TRIP4: variants seen among roughly 807,000 people sequenced by gnomAD.
TRIP4 encodes the protein thyroid hormone receptor interactor 4, also known as activating signal cointegrator 1.
In TRIP4, 54 loss-of-function variants were observed where a neutral mutation model predicts 81.8. The ratio of observed to expected loss-of-function variants is 0.66; its 90% CI spans 0.53 to 0.83. The LOEUF (loss-of-function observed/expected upper bound fraction) is 0.83, where lower values mean the gene tolerates loss of function less well. Ranked by LOEUF, TRIP4 falls within the 40% of genes least tolerant of loss-of-function variation. The pLI is 0.00. For missense variants in TRIP4, 662 were observed against 683.6 expected, an observed-to-expected ratio of 0.97 and a Z score of 0.35; for synonymous variants, 270 against 242.8, an observed-to-expected ratio of 1.11 and a Z score of -1.04.
chr15:64,431,710 TAAAAAA>T (rs1301674324), intron 11 of TRIP4, among the ~76,000 whole-genome samples: 2 of 139,374 alleles, frequency 1.4e-5, no homozygotes, highest in Admixed American at 7.2e-5. Flanking sequence ...CATCTCAAAT[TAAAAAA>T]AAAAACAAAA....
chr15:64,452,497 C>A (rs1458538791), intron 12 of TRIP4, among the ~76,000 whole-genome samples: 9 of 152,092 alleles, frequency 5.9e-5, no homozygotes, highest in African/African-American at 2.2e-4. Flanking sequence ...AATACTGAAC[C>A]TGTAGTTATT....
intron 9 of TRIP4, among the ~76,000 whole-genome samples, chr15:64,419,518 C>T (rs1430395751): frequency 6.6e-6 from 1 of 151,868 alleles, no homozygotes; most frequent in Non-Finnish European, 1.5e-5. Context: ...GCCACCACAC[C>T]TGGTTAATTT....
At chr15:64,412,720 A>C (rs1359738649) in intron 7 of TRIP4, among the ~76,000 whole-genome samples, 3 of 152,106 alleles carry the variant, frequency 2.0e-5, no homozygotes, top group Non-Finnish European at 4.4e-5. Flanking sequence ...GTGCCTCACA[A>C]TTATTATTGT....
intron 7 of TRIP4, among the ~76,000 whole-genome samples, 196 bp downstream of exon 7, chr15:64,410,024 G>GTTTT (rs200868565): frequency 3.7e-5 from 5 of 133,856 alleles, no homozygotes; most frequent in African/African-American, 5.5e-5. Flanking sequence ...TTGTGGTTTG[G>GTTTT]TTTTTTTTTT....
intron 11 of TRIP4, among the ~76,000 whole-genome samples, chr15:64,440,668 A>AT (rs1249253139): frequency 6.6e-6 from 1 of 152,078 alleles, no homozygotes; most frequent in Non-Finnish European, 1.5e-5. Flanking sequence ...TTAATTTGAG[A>AT]TTCATCTGGG....
In TRIP4 at chr15:64,409,763, C is replaced by A. The variant is rs754798877; in HGVS notation, c.978C>A (p.Val326=). ...ACGCCTCTCGACTTTCTAAGAAGGT[C>A]ACCATTGACTTTGCAGGAAGGAAGA... is the stretch of plus-strand genomic sequence containing the variant. The part of the protein sequence containing the change: ...LRHASRLSKK[V]TIDFAGRKIL... The change falls in exon 7 of 13, where the codon GTC becomes GTA. Residue 326 remains valine, a synonymous_variant. Transcript: ENST00000261884. 6.2e-6 allele frequency: 10 copies of A among 1,614,004 alleles called. No individual in the cohort carries two copies. The South Asian group carries it at 8.8e-5, about 14-fold the overall frequency.
chr15:64,393,898 C>T, intron 1 of TRIP4, 48 bp from the exon 2 acceptor site: 1 of 1,488,276 alleles, frequency 6.7e-7, no homozygotes, highest in Non-Finnish European at 9.0e-7. Flanking sequence ...TACTGAGAAA[C>T]AGTGTAAGTT....
chr15:64,416,573 A>G (rs1043271512), intron 8 of TRIP4, among the ~76,000 whole-genome samples: 5 of 152,190 alleles, frequency 3.3e-5, no homozygotes, highest in Admixed American at 2.0e-4. Flanking sequence ...AATTTTTTTT[A>G]AAGAAATTAT....
intron 12 of TRIP4, among the ~76,000 whole-genome samples, chr15:64,449,585 TA>T (rs397965797): frequency 5.0e-4 from 76 of 151,680 alleles, no homozygotes; most frequent in African/African-American, 1.8e-3. Flanking sequence ...TATATATATA[TA>T]AAAAATATAT....
rs535526146 is a variant in TRIP4 at position 64,452,922 on chromosome 15, T to G, written c.1679-2075T>G. Among the ~76,000 whole-genome samples the G allele has an allele frequency of 2.6e-5, 4 of 152,252 alleles. No individual in the cohort carries two copies. In the South Asian group the frequency reaches 8.3e-4, roughly 32 times the overall value. On this transcript the variant is annotated intron_variant, in intron 12 of 12. Transcript: ENST00000261884. Reference sequence around the variant, plus strand: ...TCAGCCAGGTGTGGTGGCTCACGCCTGTAATCCCAGCACTTTGGGAGGCTG... The same window carrying G: ...TCAGCCAGGTGTGGTGGCTCACGCCGGTAATCCCAGCACTTTGGGAGGCTG...
In TRIP4 at chr15:64,397,600, C is replaced by G; in HGVS notation, c.406-6C>G. 4 of 1,609,248 alleles carry G rather than the reference C, an allele frequency of 2.5e-6. No individual in the cohort carries two copies. Among genetic ancestry groups the G allele is most frequent in the Non-Finnish European group, 3.4e-6 (4 of 1,176,078 alleles). The stretch of plus-strand genomic sequence containing the variant: ...TTGATGTTATTTTGATGTCTTTGTA[C>G]GATAGGCACAAGAGAACAGCAACTC... On this transcript the variant is annotated splice_polypyrimidine_tract_variant and splice_region_variant and intron_variant, in intron 3 of 12. Transcript: ENST00000261884.
At chr15:64,420,529 C>CT (rs35771443) in intron 9 of TRIP4, among the ~76,000 whole-genome samples, 107,640 of 145,936 alleles carry the variant, frequency 0.74, 42,679 homozygotes, top group East Asian at 0.95. Flanking sequence ...CTTCTTATTT[C>CT]TTTTTTTTTT....
In TRIP4 at chr15:64,399,900, G is replaced by A. The variant is rs560366804; in HGVS notation, c.619-843G>A. On this transcript the variant is annotated intron_variant, in intron 4 of 12. Transcript: ENST00000261884. ...TGAGTTGGGAGGATGACTTGAGCCC[G>A]GGAGGTGGAGGTTGCAGTGAGCAGA... Among the ~76,000 whole-genome samples the A allele has an allele frequency of 6.6e-5, 10 of 151,338 alleles. No individual in the cohort carries two copies. In the East Asian group the frequency reaches 7.9e-4, roughly 12 times the overall value.
chr15:64,407,074 C>T (rs9921039), intron 6 of TRIP4, among the ~76,000 whole-genome samples: 126,379 of 151,928 alleles, frequency 0.83, 54,933 homozygotes, highest in East Asian at 0.96. Context: ...GAAAAAAATA[C>T]TTGTTGAAAA....
At chr15:64,424,252 G>A (rs1266658226) in intron 10 of TRIP4, 97 bp downstream of exon 10, 1 of 1,520,324 alleles carries the variant, frequency 6.6e-7, no homozygotes, top group Non-Finnish European at 8.9e-7. Flanking sequence ...CTTTTTCTTT[G>A]TTAAAAGAGA....
At chr15:64,440,059 A>G (rs1479595727) in intron 11 of TRIP4, among the ~76,000 whole-genome samples, 1 of 151,646 alleles carries the variant, frequency 6.6e-6, no homozygotes, top group African/African-American at 2.4e-5. Flanking sequence ...AAATTTATAT[A>G]TATATACATA....
At position 64,452,006 on chromosome 15, in the gene TRIP4, T is replaced by C. The variant is rs574575183; in HGVS notation, c.1679-2991T>C. ...ACAGGTCTCACTCTGTTGCCCATGC[T>C]GGAGTGCAATGGCATGAGATCTTGG... On this transcript the variant is annotated intron_variant, in intron 12 of 12. Coordinates refer to ENST00000261884, the MANE Select transcript of TRIP4 (RefSeq NM_016213.5). Among the ~76,000 whole-genome samples the C allele has an allele frequency of 2.0e-5, 3 of 150,846 alleles. No homozygotes were observed. The South Asian group carries it at 6.3e-4, about 32-fold the overall frequency.
intron 11 of TRIP4, among the ~76,000 whole-genome samples, chr15:64,429,038 G>A (rs745906860): frequency 5.3e-5 from 8 of 152,062 alleles, no homozygotes; most frequent in Non-Finnish European, 1.5e-5. Context: ...TTTTGGGTTG[G>A]GCGTGGTGGC....
At chr15:64,416,183 AT>A (rs1240048942) in intron 8 of TRIP4, among the ~76,000 whole-genome samples, 1 of 152,074 alleles carries the variant, frequency 6.6e-6, no homozygotes, top group East Asian at 1.9e-4. Flanking sequence ...GTGAGCTATG[AT>A]TAAGCCACCA....
Sources: gnomAD v4.1 joint callset for allele counts (sites outside exome capture counted in the v4.1 genomes callset) on GRCh38, gnomAD v4.1.1 for gene constraint, MANE v1.5 for transcripts, NCBI Gene and HGNC (gene_info 2026-07-23, HGNC 2026-07-21) for gene names.